Variants in MYCBPAP observed in about 807,000 individuals in gnomAD.
MYCBPAP encodes the protein MYCBP-associated protein.
MYCBPAP carries 60 observed loss-of-function variants against 106.1 expected under a neutral mutation model. The observed-to-expected ratio is 0.57, with a 90% confidence interval of 0.46 to 0.70. The LOEUF is 0.70. Ranked by LOEUF, MYCBPAP falls within the 30% of genes least tolerant of loss-of-function variation. The probability of loss-of-function intolerance (pLI) is 0.00; values close to 1 mark genes in which losing one functional copy is unlikely to be tolerated. For synonymous variants in MYCBPAP, 407 were observed against 440.6 expected (o/e 0.92, Z 0.95); for missense variants, 1,064 against 1,169.3 (o/e 0.91, Z 1.31).
rs751077825 is a variant in MYCBPAP at position 50,524,958 on chromosome 17, C to G, written c.1717C>G (p.Arg573Gly). The change falls in exon 13 of 19, where the codon CGC becomes GGC. Residue 573 changes from arginine (R) to glycine (G), a missense_variant. Coordinates refer to ENST00000323776, the MANE Select transcript of MYCBPAP (RefSeq NM_032133.6). ...GCTGATGGGGGTCTTGACCCCGGAG[C>G]GCACACCATCACCTGTGGATGCCTA... ...ELLMGVLTPE[R>G]TPSPVDAYLT... 6.2e-7 allele frequency: 1 copy of G among 1,613,990 alleles called. No individual in the cohort carries two copies. Among genetic ancestry groups the G allele is most frequent in the Non-Finnish European group, 8.5e-7 (1 of 1,180,012 alleles).
rs201837180 is a variant in MYCBPAP at position 50,522,001 on chromosome 17, T to C, written c.1177T>C (p.Ser393Pro). ...LGTLASSSDV[S>P]MPILGPSLLF... is the part of the protein sequence containing the mutation. Reference sequence around the variant, plus strand: ...CACATTGGCCAGTTCCTCTGATGTCTCCATGCCTATTCTCGGCCCTTCTCT... The same window carrying C: ...CACATTGGCCAGTTCCTCTGATGTCCCCATGCCTATTCTCGGCCCTTCTCT... Residue 393 changes from serine (S) to proline (P), a missense_variant, in exon 10 of 19, where the codon TCC (serine) becomes CCC (proline). Transcript: ENST00000323776. 2.0e-5 allele frequency: 32 copies of C among 1,613,978 alleles called. No homozygotes were observed. In the Admixed American group the frequency reaches 5.3e-4, roughly 27 times the overall value.
intron 1 of MYCBPAP, among the ~76,000 whole-genome samples, chr17:50,513,218 C>CAA (rs1190873215): frequency 0.24 from 14,771 of 62,114 alleles, 1,580 homozygotes; most frequent in Non-Finnish European, 0.25. Flanking sequence ...AACTCCATCT[C>CAA]AAAAAAAAAA....
chr17:50,508,766 C>A lies in MYCBPAP; in HGVS notation c.76+16C>A. 1 of 1,601,828 alleles carries A rather than the reference C, an allele frequency of 6.2e-7. No homozygotes were observed. Among genetic ancestry groups the A allele is most frequent in the Non-Finnish European group, 8.5e-7 (1 of 1,172,766 alleles). Reference sequence around the variant, plus strand: ...AATGTCAAAGGTTGGCGCTGGCTGCCTTGGGCGCTCGGGAGAACCCGAGAG... The same window carrying A: ...AATGTCAAAGGTTGGCGCTGGCTGCATTGGGCGCTCGGGAGAACCCGAGAG... On this transcript the variant is annotated intron_variant, in intron 1 of 18. Transcript: ENST00000323776.
rs760237647 is a variant in MYCBPAP at position 50,521,381 on chromosome 17, C to G, written c.1098C>G (p.Tyr366Ter). Residue 366 changes from tyrosine to a stop codon, truncating the protein, a stop_gained, in exon 9 of 19, where the codon TAC becomes TAG. Transcript: ENST00000323776. LOFTEE classifies it high-confidence loss of function. ...WPFSAVTVED[Y>*]TVFERSQGSS... ...TCTCGGCTGTTACTGTGGAAGACTA[C>G]ACAGTGTTTGAAAGAAGTCAGGGAA... 30 of 1,605,112 alleles carry G rather than the reference C, an allele frequency of 1.9e-5. No individual in the cohort carries two copies. In the East Asian group the frequency reaches 6.7e-4, roughly 36 times the overall value.
chr17:50,521,018 G>A (rs1423651249), intron 7 of MYCBPAP, 92 bp from the exon 8 acceptor site: 5 of 972,380 alleles, frequency 5.1e-6, no homozygotes, highest in African/African-American at 1.6e-5. Flanking sequence ...TAGAAATGGT[G>A]TTGGGATAGG....
chr17:50,527,410 T>C lies in MYCBPAP; in HGVS notation c.2291+2T>C. 2 of 1,613,816 alleles carry C rather than the reference T, an allele frequency of 1.2e-6. No individual in the cohort carries two copies. The highest frequency in any genetic ancestry group is 1.1e-5 in the South Asian group (1 of 91,066). ...GTCCAACCTCCTGCACCAGATGTGGTAGGTGCCCTGCCAGGAGAGCTGCCC... is the reference window on the plus strand; with the variant it reads ...GTCCAACCTCCTGCACCAGATGTGGCAGGTGCCCTGCCAGGAGAGCTGCCC... On this transcript the variant is annotated splice_donor_variant, in intron 15 of 18. Coordinates refer to ENST00000323776, the MANE Select transcript of MYCBPAP (RefSeq NM_032133.6). LOFTEE classifies it high-confidence loss of function.
At position 50,508,578 on chromosome 17, in the gene MYCBPAP, T is replaced by G; in HGVS notation, c.-97T>G. 6.4e-7 allele frequency: 1 copy of G among 1,552,532 alleles called. No individual in the cohort carries two copies. Among genetic ancestry groups the G allele is most frequent in the Non-Finnish European group, 8.7e-7 (1 of 1,147,590 alleles). On this transcript the variant is annotated 5_prime_UTR_variant, in exon 1 of 19. Coordinates refer to ENST00000323776, the MANE Select transcript of MYCBPAP (RefSeq NM_032133.6). ...CCCCCGCGCGGGGCACCGGTTGCTG[T>G]GGACGCAGTGGCGGCCGTTGGCTGG...
chr17:50,530,061 T>G (rs917419658), intron 18 of MYCBPAP: 15 of 359,416 alleles, frequency 4.2e-5, no homozygotes, highest in Admixed American at 7.1e-5. Context: ...ACTCTGGATC[T>G]CATTTGATCA....
intron 12 of MYCBPAP, among the ~76,000 whole-genome samples, 166 bp from the exon 13 acceptor site, chr17:50,524,711 C>CAT (rs536297260): frequency 1.9e-4 from 26 of 138,922 alleles, no homozygotes; most frequent in African/African-American, 3.5e-4. Context: ...TTAGAACAGG[C>CAT]GTGTGTGTGT....
At chr17:50,510,499 G>GTATGTATGTATATATA (rs1555618059) in intron 1 of MYCBPAP, 15 of 76,412 alleles carry the variant, frequency 2.0e-4, no homozygotes, top group African/African-American at 6.9e-4. Context: ...GTGTGTGTGT[G>GTATGTATGTATATATA]TATATATATA....
At position 50,517,356 on chromosome 17, in the gene MYCBPAP, C is replaced by T. The variant is rs182026801; in HGVS notation, c.268C>T (p.Arg90Cys). The part of the protein sequence containing the change: ...KRVITQKFII[R>C]KLKPMDPRRK... Reference sequence around the variant, plus strand: ...TGTCATCACCCAGAAATTTATCATCCGTAAACTCAAACCCATGGATCCTAG... The same window carrying T: ...TGTCATCACCCAGAAATTTATCATCTGTAAACTCAAACCCATGGATCCTAG... Residue 90 changes from arginine (R) to cysteine (C), a missense_variant, in exon 3 of 19, where the codon CGT (arginine) becomes TGT (cysteine). By Grantham distance (180) the Arg-to-Cys change is radical. Coordinates refer to ENST00000323776, the MANE Select transcript of MYCBPAP (RefSeq NM_032133.6). 45 of 1,614,150 alleles carry T rather than the reference C, an allele frequency of 2.8e-5. No individual in the cohort carries two copies. The East Asian group carries it at 7.8e-4, about 28-fold the overall frequency.
intron 1 of MYCBPAP, among the ~76,000 whole-genome samples, chr17:50,513,746 G>C (rs1370943854): frequency 1.3e-5 from 2 of 152,208 alleles, no homozygotes; most frequent in African/African-American, 4.8e-5. Flanking sequence ...AAATGTCCTA[G>C]AAAGTACAGA....
intron 1 of MYCBPAP, chr17:50,510,536 T>TATATAA (rs2033808482): frequency 1.5e-5 from 2 of 135,260 alleles, no homozygotes; most frequent in East Asian, 4.2e-4. Flanking sequence ...TATATATATA[T>TATATAA]GTATTTTGAG....
In MYCBPAP at chr17:50,522,941, G is replaced by T; in HGVS notation, c.1260G>T (p.Arg420Ser). The change falls in exon 11 of 19, where the codon AGG becomes AGT. Residue 420 changes from arginine to serine, a missense_variant and splice_region_variant. Physicochemically the swap from Arg to Ser is moderately radical, Grantham distance 110. Transcript: ENST00000323776. ...WIRGSNPQDKRQVGIAAHLTF... is the reference protein window; with the variant it reads ...WIRGSNPQDKSQVGIAAHLTF... Reference sequence around the variant, plus strand: ...TTTCTTGTCCCTCCTCCTTCCAGAGGCAGGTTGGGATTGCTGCTCACTTGA... The same window carrying T: ...TTTCTTGTCCCTCCTCCTTCCAGAGTCAGGTTGGGATTGCTGCTCACTTGA... 3.7e-6 allele frequency: 6 copies of T among 1,607,204 alleles called. No homozygotes were observed. The highest frequency in any genetic ancestry group is 5.1e-6 in the Non-Finnish European group (6 of 1,174,474).
intron 1 of MYCBPAP, among the ~76,000 whole-genome samples, chr17:50,510,810 C>T (rs1043287943): frequency 2.0e-5 from 3 of 150,856 alleles, no homozygotes; most frequent in South Asian, 2.1e-4. Context: ...CATGAGCCAC[C>T]GTGCCTGGCC....
At position 50,524,300 on chromosome 17, in the gene MYCBPAP, G is replaced by A. The variant is rs114522729; in HGVS notation, c.1635+516G>A. Among the ~76,000 whole-genome samples, 605 of 152,286 alleles carry A rather than the reference G, an allele frequency of 4.0e-3. 5 individuals are homozygous for A. Among genetic ancestry groups the A allele is most frequent in the African/African-American group, 0.014 (572 of 41,540 alleles). On this transcript the variant is annotated intron_variant, in intron 12 of 18. Transcript: ENST00000323776. Reference sequence around the variant, plus strand: ...GTTTCACAGTGTGGCCATTTGAGCCGTGCATCCTGGGATTTGGTGGAAAGC... The same window carrying A: ...GTTTCACAGTGTGGCCATTTGAGCCATGCATCCTGGGATTTGGTGGAAAGC...
rs559283233 is a variant in MYCBPAP, at chr17:50,523,726, A to G, written c.1577A>G (p.Asn526Ser). The G allele has an allele frequency of 1.1e-5, 18 of 1,614,160 alleles. No homozygotes were observed. Among genetic ancestry groups the G allele is most frequent in the South Asian group, 5.5e-5 (5 of 91,082 alleles). Residue 526 changes from asparagine to serine, a missense_variant, in exon 12 of 19, where the codon AAT becomes AGT. Asn to Ser is a conservative substitution (Grantham distance 46). Coordinates refer to ENST00000323776, the MANE Select transcript of MYCBPAP (RefSeq NM_032133.6). Reference sequence around the variant, plus strand: ...TTAGGAGGTGCTATACTGCAGGTCAATCTCCACGCGGTCTCCCTGACCCAG... The same window carrying G: ...TTAGGAGGTGCTATACTGCAGGTCAGTCTCCACGCGGTCTCCCTGACCCAG... ...TLLGGAILQV[N>S]LHAVSLTQDV...
intron 14 of MYCBPAP, among the ~76,000 whole-genome samples, 155 bp downstream of exon 14, chr17:50,526,422 T>C (rs1597846144): frequency 6.6e-6 from 1 of 151,232 alleles, no homozygotes; most frequent in African/African-American, 2.4e-5. Context: ...ATCTATTTAT[T>C]TATTTATTTA....
chr17:50,525,998 G>A lies in MYCBPAP; in HGVS notation c.1900G>A (p.Ala634Thr). Reference protein sequence around the residue: ...PGDKEHVSPIATEKASVNAEL... With the variant: ...PGDKEHVSPITTEKASVNAEL... ...GGACAAGGAGCACGTCAGCCCCATA[G>A]CCACAGAGAAGGCCTCTGTGAATGC... is the stretch of plus-strand genomic sequence containing the variant. The change falls in exon 14 of 19, where the codon GCC becomes ACC. Residue 634 changes from alanine to threonine, a missense_variant. Ala to Thr is a moderately conservative substitution (Grantham distance 58). Coordinates refer to ENST00000323776, the MANE Select transcript of MYCBPAP (RefSeq NM_032133.6). 1 of 1,613,940 alleles carries A rather than the reference G, an allele frequency of 6.2e-7. No individual in the cohort carries two copies. The highest frequency in any genetic ancestry group is 8.5e-7 in the Non-Finnish European group (1 of 1,180,040).
Sources: allele counts gnomAD v4.1 joint callset (sites outside exome capture counted in the v4.1 genomes callset), GRCh38; gene constraint gnomAD v4.1.1; transcripts MANE v1.5; gene names NCBI Gene and HGNC (gene_info 2026-07-23, HGNC 2026-07-21).